PTPRK: variants seen among roughly 807,000 people sequenced by gnomAD.
PTPRK encodes protein tyrosine phosphatase receptor type K, also known as receptor-type tyrosine-protein phosphatase kappa.
Under a neutral mutation model 178.0 loss-of-function variants are expected in PTPRK, and 75 were observed. The observed-to-expected ratio is 0.42, with a 90% CI of 0.35 to 0.51. The LOEUF (loss-of-function observed/expected upper bound fraction) is 0.51, where lower values mean the gene tolerates loss of function less well. PTPRK is among the 20% of genes least tolerant of loss of function. The pLI, the probability that PTPRK is intolerant of heterozygous loss-of-function variation, is 0.02. For synonymous variants in PTPRK, 637 were observed against 620.6 expected, an observed-to-expected ratio of 1.03 and a Z score of -0.39; for missense variants, 1,441 against 1,797.8, an observed-to-expected ratio of 0.80 and a Z score of 3.59.
chr6:128,004,402 A>T (rs1360827209), intron 15 of PTPRK, among the ~76,000 whole-genome samples: 1 of 151,860 alleles, frequency 6.6e-6, no homozygotes, highest in Non-Finnish European at 1.5e-5. Flanking sequence ...GGTAATTATT[A>T]AAATCATCTG....
At position 128,009,168 on chromosome 6, in the gene PTPRK, G is replaced by A. The variant is rs1778772941; in HGVS notation, c.2295C>T (p.Ile765=). The A allele has an allele frequency of 6.2e-7, 1 of 1,608,180 alleles. No homozygotes were observed. Among genetic ancestry groups the A allele is most frequent in the Non-Finnish European group, 8.5e-7 (1 of 1,176,212 alleles). The part of the protein sequence containing the change: ...AGISAGILVF[I]LLLLVVILIV... ...TTAATATGACAACTAGGAGAAGGAG[G>A]ATGAACACCAAAATTCCAGCACTAA... Residue 765 remains isoleucine, a synonymous_variant, in exon 14 of 30, where the codon ATC becomes ATT. Transcript: ENST00000368226.
intron 6 of PTPRK, among the ~76,000 whole-genome samples, chr6:128,216,961 A>G (rs1484403637): frequency 6.6e-6 from 1 of 152,208 alleles, no homozygotes; most frequent in African/African-American, 2.4e-5. Flanking sequence ...ATTCAAAAGC[A>G]TTCTAGGTAC....
At chr6:128,359,769 TAATAA>T (rs1016224323) in intron 2 of PTPRK, among the ~76,000 whole-genome samples, 13 of 151,182 alleles carry the variant, frequency 8.6e-5, no homozygotes, top group South Asian at 2.1e-4. Flanking sequence ...AAAAAAAAAA[TAATAA>T]AATAAAATAA....
At chr6:128,095,217 T>C (rs990301607) in intron 7 of PTPRK, among the ~76,000 whole-genome samples, 2 of 152,208 alleles carry the variant, frequency 1.3e-5, no homozygotes, top group African/African-American at 2.4e-5. Context: ...TTTGAGGTGA[T>C]GGATAAGTAG....
intron 1 of PTPRK, among the ~76,000 whole-genome samples, chr6:128,424,792 A>T (rs1843910334): frequency 6.6e-6 from 1 of 152,198 alleles, no homozygotes; most frequent in Non-Finnish European, 1.5e-5. Context: ...CACCGTTAAG[A>T]ATGAAGGATG....
chr6:128,479,198 C>A (rs753069622), intron 1 of PTPRK, among the ~76,000 whole-genome samples: 2 of 152,090 alleles, frequency 1.3e-5, no homozygotes, highest in Non-Finnish European at 2.9e-5. Context: ...GGCTTTACTT[C>A]CCCAGCATCA....
At chr6:128,127,040 G>T (rs1225334784) in intron 7 of PTPRK, among the ~76,000 whole-genome samples, 1 of 151,960 alleles carries the variant, frequency 6.6e-6, no homozygotes, top group Admixed American at 6.6e-5. Context: ...GTGTTGAAAA[G>T]ACACTACTTT....
chr6:128,127,507 A>C (rs1036730407), intron 7 of PTPRK, among the ~76,000 whole-genome samples: 3 of 152,142 alleles, frequency 2.0e-5, no homozygotes, highest in African/African-American at 7.2e-5. Context: ...CCCTATATGC[A>C]CTGTATTAGC....
At chr6:128,473,346 T>G (rs796940900) in intron 1 of PTPRK, among the ~76,000 whole-genome samples, 3 of 151,962 alleles carry the variant, frequency 2.0e-5, no homozygotes, top group African/African-American at 7.2e-5. Context: ...ATGATATCTG[T>G]CTGCCTCCCC....
At chr6:128,316,084 G>A (rs951262184) in intron 3 of PTPRK, among the ~76,000 whole-genome samples, 6 of 152,186 alleles carry the variant, frequency 3.9e-5, no homozygotes, top group African/African-American at 1.4e-4. Context: ...AGCATTGTCA[G>A]AAACATCATT....
intron 7 of PTPRK, among the ~76,000 whole-genome samples, chr6:128,146,106 A>C (rs1173979833): frequency 6.6e-6 from 1 of 152,148 alleles, no homozygotes; most frequent in Non-Finnish European, 1.5e-5. Flanking sequence ...AGATAAGCCA[A>C]ATCAGGGCCT....
Position 128,239,873 on chromosome 6 carries a change from C to T in PTPRK, c.693+162G>A, listed in dbSNP as rs549488727. 2.0e-5 allele frequency among the ~76,000 whole-genome samples: 3 copies of T among 152,196 alleles called. No homozygotes were observed. In the South Asian group the frequency reaches 6.2e-4, roughly 32 times the overall value. ...TTATTTCAGAAAAGGAAATCTCTAACATGAATCTGTAATTAAACTCACGCA... is the reference window on the plus strand; with the variant it reads ...TTATTTCAGAAAAGGAAATCTCTAATATGAATCTGTAATTAAACTCACGCA... On this transcript the variant is annotated intron_variant, in intron 5 of 29. Transcript: ENST00000368226.
chr6:128,302,830 T>A (rs1825847970), intron 3 of PTPRK, among the ~76,000 whole-genome samples: 1 of 152,092 alleles, frequency 6.6e-6, no homozygotes, highest in Non-Finnish European at 1.5e-5. Flanking sequence ...TGCTAACGGC[T>A]CCTTAGTTAG....
At chr6:128,491,882 C>T (rs750570518) in intron 1 of PTPRK, 1 of 485,012 alleles carries the variant, frequency 2.1e-6, no homozygotes, top group Non-Finnish European at 4.1e-6. Flanking sequence ...AACTAACAGG[C>T]TAATCTTCAC....
rs532667981 is a variant in PTPRK, at chr6:128,519,736, G to A, written c.100+523C>T. ...CCCAGAGCTGGGGGAGGAGAAAAGGGGACTCCGGGAGGGACGGGGAAGTAG... is the reference window on the plus strand; with the variant it reads ...CCCAGAGCTGGGGGAGGAGAAAAGGAGACTCCGGGAGGGACGGGGAAGTAG... On this transcript the variant is annotated intron_variant, in intron 1 of 29. Transcript: ENST00000368226. This position sits in a 1 kb window ranked among gnomAD's most constrained non-coding sequence, Gnocchi z 4.3. Among the ~76,000 whole-genome samples the A allele has an allele frequency of 3.3e-5, 5 of 152,322 alleles. No homozygotes were observed. Among genetic ancestry groups the A allele is most frequent in the African/African-American group, 1.2e-4 (5 of 41,580 alleles).
chr6:128,016,430 A>T (rs1779601310), intron 13 of PTPRK, among the ~76,000 whole-genome samples: 1 of 151,722 alleles, frequency 6.6e-6, no homozygotes, highest in Non-Finnish European at 1.5e-5. Context: ...TTTCCCCCCT[A>T]GCTATAAGGA....
intron 13 of PTPRK, among the ~76,000 whole-genome samples, chr6:128,019,339 T>C (rs957858573): frequency 6.6e-5 from 10 of 151,994 alleles, no homozygotes; most frequent in Non-Finnish European, 1.2e-4. Context: ...TTTCAAAACA[T>C]GGGGGTGAGG....
At chr6:128,189,240 T>C (rs1018892335) in intron 6 of PTPRK, among the ~76,000 whole-genome samples, 17 of 131,862 alleles carry the variant, frequency 1.3e-4, no homozygotes, top group South Asian at 2.7e-4. Flanking sequence ...TTTTTCTTTT[T>C]TTTTTTTTTT....
chr6:128,338,754 G>T (rs955179285), intron 2 of PTPRK, among the ~76,000 whole-genome samples: 4 of 152,116 alleles, frequency 2.6e-5, no homozygotes, highest in African/African-American at 9.7e-5. Context: ...TCTGAATTGT[G>T]ATTTGGTCAC....
Sources: gnomAD v4.1 joint callset for allele counts (sites outside exome capture counted in the v4.1 genomes callset) on GRCh38, gnomAD v4.1.1 for gene constraint, Gnocchi (gnomAD v3.1) non-coding constraint, MANE v1.5 for transcripts, NCBI Gene and HGNC (gene_info 2026-07-23, HGNC 2026-07-21) for gene names.